DLG2: variants seen among roughly 807,000 people sequenced by gnomAD.
DLG2 encodes the protein disks large homolog 2.
In DLG2, 45 loss-of-function variants were observed where a neutral mutation model predicts 132.5. The observed-to-expected ratio is 0.34, with a 90% CI of 0.27 to 0.44. The LOEUF (loss-of-function observed/expected upper bound fraction) is 0.44. DLG2 is among the 20% of genes least tolerant of loss of function. The pLI, the probability that DLG2 is intolerant of heterozygous loss-of-function variation, is 1.00. For missense variants in DLG2, 1,045 were observed against 1,196.9 expected (o/e 0.87, Z 1.87); for synonymous variants, 424 against 419.6 (o/e 1.01, Z -0.13).
intron 3 of DLG2, among the ~76,000 whole-genome samples, chr11:85,461,830 C>A (rs1193163488): frequency 6.6e-6 from 1 of 152,054 alleles, no homozygotes; most frequent in Non-Finnish European, 1.5e-5. Flanking sequence ...AGAACTTGTG[C>A]ACGGCAAAAG....
intron 3 of DLG2, among the ~76,000 whole-genome samples, chr11:85,408,449 G>A (rs910185040): frequency 6.6e-6 from 1 of 150,856 alleles, no homozygotes; most frequent in Non-Finnish European, 1.5e-5. Context: ...ACAATGTGCT[G>A]GTTAGTTACA....
intron 9 of DLG2, among the ~76,000 whole-genome samples, chr11:84,151,340 G>A (rs2095287479): frequency 6.6e-6 from 1 of 152,078 alleles, no homozygotes; most frequent in Non-Finnish European, 1.5e-5. Flanking sequence ...TGTGTGTATA[G>A]AGGTGATCAC....
intron 21 of DLG2, among the ~76,000 whole-genome samples, chr11:83,491,146 G>GTTTTTT (rs5793064): frequency 7.2e-6 from 1 of 139,036 alleles, no homozygotes. Context: ...TTTTTTTTCT[G>GTTTTTT]TTTTTTTTTT....
chr11:84,446,080 C>T (rs984533691), intron 7 of DLG2, among the ~76,000 whole-genome samples: 1 of 151,992 alleles, frequency 6.6e-6, no homozygotes. Context: ...CTCCTTCCTC[C>T]TCTGTGCTGC....
chr11:84,548,348 A>C (rs1319453948), intron 6 of DLG2, among the ~76,000 whole-genome samples: 1 of 151,994 alleles, frequency 6.6e-6, no homozygotes, highest in Non-Finnish European at 1.5e-5. Flanking sequence ...TGTTACATAT[A>C]TGCATGTGCC....
rs763227280 is a variant in DLG2, at chr11:83,471,742, A to C, written c.2345-15T>G. 1 of 1,600,576 alleles carries C rather than the reference A, an allele frequency of 6.2e-7. No individual in the cohort carries two copies. The highest frequency in any genetic ancestry group is 8.6e-7 in the Non-Finnish European group (1 of 1,168,460). On this transcript the variant is annotated splice_polypyrimidine_tract_variant and intron_variant, in intron 23 of 27. Transcript: ENST00000376104. Reference sequence around the variant, plus strand: ...GGTGTAGTTTACTGCAGAATGGGAAAGGAAGATGTAGGTAAAGAGAAAGAG... The same window carrying C: ...GGTGTAGTTTACTGCAGAATGGGAACGGAAGATGTAGGTAAAGAGAAAGAG...
chr11:84,369,259 G>A (rs1394568234), intron 7 of DLG2, among the ~76,000 whole-genome samples: 3 of 151,956 alleles, frequency 2.0e-5, no homozygotes, highest in Non-Finnish European at 4.4e-5. Flanking sequence ...ACCACAGTTG[G>A]TTTGGAACTT....
chr11:85,464,929 C>A (rs1322635970), intron 3 of DLG2, among the ~76,000 whole-genome samples: 1 of 151,170 alleles, frequency 6.6e-6, no homozygotes, highest in Non-Finnish European at 1.5e-5. Context: ...AAAAAATTAT[C>A]TGGGCATGGT....
At chr11:84,012,530 G>A (rs2094943253) in intron 11 of DLG2, among the ~76,000 whole-genome samples, 1 of 152,122 alleles carries the variant, frequency 6.6e-6, no homozygotes, top group Non-Finnish European at 1.5e-5. Context: ...AATATAGTTG[G>A]CAAATGCAGT....
intron 3 of DLG2, among the ~76,000 whole-genome samples, chr11:85,470,528 G>T (rs139731555): frequency 0.04 from 6,122 of 152,196 alleles, 392 homozygotes; most frequent in African/African-American, 0.14. Flanking sequence ...TTCGAGACCA[G>T]CCTGGCCCAC....
intron 6 of DLG2, among the ~76,000 whole-genome samples, chr11:84,797,116 G>A (rs1367102535): frequency 6.6e-6 from 1 of 151,988 alleles, no homozygotes; most frequent in African/African-American, 2.4e-5. Flanking sequence ...TAAAGTGCTG[G>A]GATTACAGGC....
At chr11:83,790,181 T>G in intron 17 of DLG2, 1 of 867,718 alleles carries the variant, frequency 1.2e-6, no homozygotes, top group South Asian at 1.6e-5. Flanking sequence ...AGTTCCATTT[T>G]CAGAGTCCCT....
At chr11:85,000,768 A>AG (rs1366441234) in intron 6 of DLG2, among the ~76,000 whole-genome samples, 1 of 152,116 alleles carries the variant, frequency 6.6e-6, no homozygotes, top group African/African-American at 2.4e-5. Context: ...CTCTGTGGGG[A>AG]GCAAGGGCAT....
intron 7 of DLG2, among the ~76,000 whole-genome samples, chr11:84,278,411 T>G (rs2154368760): frequency 6.6e-6 from 1 of 151,948 alleles, no homozygotes. Context: ...AAGAAAGAAA[T>G]AATAACGATT....
At chr11:84,795,245 G>C (rs1015140515) in intron 6 of DLG2, among the ~76,000 whole-genome samples, 3 of 152,010 alleles carry the variant, frequency 2.0e-5, no homozygotes, top group African/African-American at 7.2e-5. Flanking sequence ...TTTGCTTAGA[G>C]CTGAACACTC....
chr11:84,990,121 G>C (rs772781761), intron 6 of DLG2, among the ~76,000 whole-genome samples: 2 of 152,142 alleles, frequency 1.3e-5, no homozygotes, highest in Non-Finnish European at 2.9e-5. Flanking sequence ...TTGTATCCAC[G>C]ATATGTGAAG....
intron 7 of DLG2, among the ~76,000 whole-genome samples, chr11:84,311,358 G>T (rs1031275912): frequency 4.6e-5 from 7 of 152,010 alleles, no homozygotes; most frequent in African/African-American, 1.7e-4. Flanking sequence ...GCCATACTGG[G>T]GTTTTTATAT....
chr11:83,939,731 T>C (rs2082240644), intron 14 of DLG2, among the ~76,000 whole-genome samples: 1 of 152,192 alleles, frequency 6.6e-6, no homozygotes, highest in African/African-American at 2.4e-5. Flanking sequence ...TGAATATATT[T>C]AGCAAAATCA....
At chr11:85,028,109 C>T (rs900402866) in intron 6 of DLG2, among the ~76,000 whole-genome samples, 2 of 152,156 alleles carry the variant, frequency 1.3e-5, no homozygotes, top group African/African-American at 4.8e-5. Context: ...GAGAAGTATC[C>T]AGCTGTCAAT....
Sources: gnomAD v4.1 joint callset for allele counts (sites outside exome capture counted in the v4.1 genomes callset) on GRCh38, gnomAD v4.1.1 for gene constraint, MANE v1.5 for transcripts, NCBI Gene and HGNC (gene_info 2026-07-23, HGNC 2026-07-21) for gene names.